CTNNA2: variants seen among roughly 807,000 people sequenced by gnomAD.
CTNNA2 encodes catenin alpha-2.
A neutral mutation model predicts 101.0 loss-of-function variants in CTNNA2; 42 were observed. That is an observed-to-expected ratio of 0.42 (90% confidence interval 0.32 to 0.54). The LOEUF (loss-of-function observed/expected upper bound fraction) is 0.54, where lower values mean the gene tolerates loss of function less well. Among genes scored for constraint, CTNNA2 ranks in the 20% least tolerant of loss-of-function variants. The pLI is 0.14. For missense variants in CTNNA2, 871 were observed against 1,223.1 expected (o/e 0.71, Z 4.29); for synonymous variants, 450 against 456.4 (o/e 0.99, Z 0.18).
intron 9 of CTNNA2, among the ~76,000 whole-genome samples, chr2:80,454,445 A>G (rs1683788755): frequency 6.6e-6 from 1 of 152,188 alleles, no homozygotes; most frequent in South Asian, 2.1e-4. Flanking sequence ...TAGAACAGGG[A>G]AAACTGTAGT....
intron 5 of CTNNA2, among the ~76,000 whole-genome samples, chr2:79,506,700 A>G (rs1671420501): frequency 1.3e-5 from 2 of 152,230 alleles, no homozygotes; most frequent in Admixed American, 1.3e-4. Context: ...ATTATACATC[A>G]TCAAAACATA....
intron 9 of CTNNA2, among the ~76,000 whole-genome samples, chr2:80,513,082 G>A (rs1421220806): frequency 6.6e-6 from 1 of 152,074 alleles, no homozygotes; most frequent in East Asian, 1.9e-4. Flanking sequence ...CTCCTCTCTT[G>A]GTGTGCTAAA....
intron 1 of CTNNA2, among the ~76,000 whole-genome samples, chr2:79,571,171 C>T (rs1445647558): frequency 1.3e-5 from 2 of 152,094 alleles, no homozygotes; most frequent in Non-Finnish European, 2.9e-5. Flanking sequence ...ATTATTTCAA[C>T]ATGGTAAAAG....
At chr2:79,339,808 A>T (rs1428157733) in intron 3 of CTNNA2, 2 of 152,264 alleles carry the variant, frequency 1.3e-5, no homozygotes, top group African/African-American at 4.8e-5. Context: ...AATGTCACTC[A>T]AGCTCTTATC....
At chr2:80,371,942 C>G (rs187220635) in intron 7 of CTNNA2, among the ~76,000 whole-genome samples, 1 of 152,054 alleles carries the variant, frequency 6.6e-6, no homozygotes, top group African/African-American at 2.4e-5. Context: ...CATGAAATGA[C>G]GTAAAATAGC....
chr2:80,421,313 A>T (rs1680508964), intron 9 of CTNNA2, among the ~76,000 whole-genome samples: 1 of 152,362 alleles, frequency 6.6e-6, no homozygotes. Context: ...GGTGTGTTGT[A>T]GACACTCTGG....
intron 1 of CTNNA2, among the ~76,000 whole-genome samples, chr2:79,188,654 T>C (rs1013853078): frequency 4.6e-5 from 7 of 152,122 alleles, no homozygotes; most frequent in Non-Finnish European, 1.0e-4. Flanking sequence ...TTGAGTTGGA[T>C]CTTAGAGGAC....
chr2:80,005,670 T>TA (rs63516361), intron 7 of CTNNA2, among the ~76,000 whole-genome samples: 2 of 33,744 alleles, frequency 5.9e-5, no homozygotes, highest in Non-Finnish European at 2.9e-4. Context: ...TACTTATAGA[T>TA]TTTTTAATTA....
chr2:79,213,938 A>G (rs1444274727), intron 2 of CTNNA2, among the ~76,000 whole-genome samples: 1 of 152,196 alleles, frequency 6.6e-6, no homozygotes, highest in Non-Finnish European at 1.5e-5. Context: ...CTGCACGCAG[A>G]CATGAGGGCT....
rs373388508 is a variant in CTNNA2 at position 79,628,218 on chromosome 2, G to A, written c.-5-23334G>A. On this transcript the variant is annotated intron_variant, in intron 1 of 18. Coordinates refer to ENST00000402739, the MANE Select transcript of CTNNA2 (RefSeq NM_001282597.3). ...TGTAATCTCAGCACTTTGGGAGACC[G>A]AGGTGGGCAGATCACTTGAGGTCAG... is the stretch of plus-strand genomic sequence containing the variant. 7.9e-5 allele frequency among the ~76,000 whole-genome samples: 12 copies of A among 152,176 alleles called. No homozygotes were observed. The East Asian group carries it at 1.5e-3, about 20-fold the overall frequency.
intron 7 of CTNNA2, among the ~76,000 whole-genome samples, chr2:79,967,265 C>A (rs140272670): frequency 2.6e-5 from 4 of 152,166 alleles, no homozygotes; most frequent in Middle Eastern, 3.4e-3. Flanking sequence ...CTACCCCAAC[C>A]ATCCTCATCT....
At position 80,429,696 on chromosome 2, in the gene CTNNA2, T is replaced by C. The variant is rs541851812; in HGVS notation, c.1290+10095T>C. 5.9e-5 allele frequency among the ~76,000 whole-genome samples: 9 copies of C among 152,332 alleles called. No homozygotes were observed. The South Asian group carries it at 1.9e-3, about 32-fold the overall frequency. Reference sequence around the variant, plus strand: ...AATACATATTACTGCAGAAGAATTCTTATATACTAGTGGAACAGATCATGC... The same window carrying C: ...AATACATATTACTGCAGAAGAATTCCTATATACTAGTGGAACAGATCATGC... On this transcript the variant is annotated intron_variant, in intron 9 of 18. Coordinates refer to ENST00000402739, the MANE Select transcript of CTNNA2 (RefSeq NM_001282597.3).
At chr2:79,459,273 G>T (rs558703893) in intron 4 of CTNNA2, among the ~76,000 whole-genome samples, 1 of 152,070 alleles carries the variant, frequency 6.6e-6, no homozygotes, top group Non-Finnish European at 1.5e-5. Flanking sequence ...TCTACTCATA[G>T]TTCTAGGAAC....
chr2:80,255,331 TG>T (rs547991451), intron 7 of CTNNA2, among the ~76,000 whole-genome samples: 15 of 152,066 alleles, frequency 9.9e-5, no homozygotes, highest in Non-Finnish European at 2.1e-4. Context: ...CAGTGCCCCA[TG>T]GTAATACAGT....
intron 3 of CTNNA2, among the ~76,000 whole-genome samples, chr2:79,362,571 A>G (rs943641202): frequency 6.6e-6 from 1 of 152,192 alleles, no homozygotes; most frequent in African/African-American, 2.4e-5. Flanking sequence ...TATAGTAATC[A>G]TTAGTGCTGC....
At chr2:80,182,605 C>T (rs1429101515) in intron 7 of CTNNA2, among the ~76,000 whole-genome samples, 1 of 152,066 alleles carries the variant, frequency 6.6e-6, no homozygotes, top group Non-Finnish European at 1.5e-5. Flanking sequence ...TTGCAGATCA[C>T]AATAGGCTCA....
chr2:80,638,353 C>T (rs1301439318), intron 18 of CTNNA2, among the ~76,000 whole-genome samples: 8 of 152,062 alleles, frequency 5.3e-5, no homozygotes. Context: ...CCCATTGGCT[C>T]TTCTCTTTGT....
intron 7 of CTNNA2, among the ~76,000 whole-genome samples, chr2:79,980,765 G>T (rs896839325): frequency 6.6e-6 from 1 of 152,092 alleles, no homozygotes; most frequent in Non-Finnish European, 1.5e-5. Context: ...AGAAAAATAA[G>T]CAATTAGAAA....
chr2:79,191,562 G>T (rs1205453609), intron 1 of CTNNA2, among the ~76,000 whole-genome samples: 1 of 152,110 alleles, frequency 6.6e-6, no homozygotes, highest in Non-Finnish European at 1.5e-5. Flanking sequence ...CTGAGAGATG[G>T]AAATTGTCAA....
Sources: allele counts gnomAD v4.1 joint callset (sites outside exome capture counted in the v4.1 genomes callset), GRCh38; gene constraint gnomAD v4.1.1; transcripts MANE v1.5; gene names NCBI Gene and HGNC (gene_info 2026-07-23, HGNC 2026-07-21).